KIF26B: variants seen among roughly 807,000 people sequenced by gnomAD.
The protein encoded by KIF26B is kinesin family member 26B.
In KIF26B, 63 loss-of-function variants were observed where a neutral mutation model predicts 151.2. That is an observed-to-expected ratio of 0.42 (90% CI 0.34 to 0.51). The LOEUF (loss-of-function observed/expected upper bound fraction) is 0.51. Ranked by LOEUF, KIF26B falls within the 20% of genes least tolerant of loss-of-function variation. The probability of loss-of-function intolerance (pLI) is 0.07; values close to 1 mark genes in which losing one functional copy is unlikely to be tolerated. For synonymous variants in KIF26B, 1,357 were observed against 1,262.1 expected (o/e 1.08, Z -1.59); for missense variants, 2,813 against 2,913.6 (o/e 0.97, Z 0.79).
chr1:245,646,052 C>G, intron 9 of KIF26B, 69 bp from the exon 10 acceptor site: 2 of 1,510,022 alleles, frequency 1.3e-6, no homozygotes, highest in South Asian at 2.5e-5. Context: ...TCCCAAGGAG[C>G]TACATGAAGA....
Position 245,640,137 on chromosome 1 carries a change from C to CTATA in KIF26B, c.2099-5983_2099-5982insATAT, listed in dbSNP as rs1354945667. 2.9e-4 allele frequency among the ~76,000 whole-genome samples: 9 copies of CTATA among 31,286 alleles called. 1 individual carries two copies. Among genetic ancestry groups the CTATA allele is most frequent in the Non-Finnish European group, 4.5e-4 (7 of 15,392 alleles). The allele number at this position is 31,286 out of a possible 152,430, so 20.5% of individuals were successfully genotyped here. A position where few individuals can be genotyped will look rare whatever the true frequency, so the allele number is the denominator to read the frequency against. The stretch of plus-strand genomic sequence containing the variant: ...ACTAATATTTGCTCTCTCTCTCTCT[C>CTATA]TCTCTCTATATATATATATATATAC... On this transcript the variant is annotated intron_variant, in intron 9 of 14. Transcript: ENST00000407071.
intron 2 of KIF26B, among the ~76,000 whole-genome samples, chr1:245,323,127 T>C (rs1015124671): frequency 1.3e-5 from 2 of 152,252 alleles, no homozygotes; most frequent in Admixed American, 1.3e-4. Context: ...ATATAGCTTG[T>C]ATATAAGTAT....
chr1:245,624,545 C>T (rs1263854901), intron 9 of KIF26B, among the ~76,000 whole-genome samples: 1 of 152,198 alleles, frequency 6.6e-6, no homozygotes, highest in Non-Finnish European at 1.5e-5. Context: ...CACGCCCATT[C>T]GGCATCCATA....
At chr1:245,483,667 G>T (rs989154253) in intron 4 of KIF26B, among the ~76,000 whole-genome samples, 1 of 151,916 alleles carries the variant, frequency 6.6e-6, no homozygotes, top group Admixed American at 6.6e-5. Context: ...TATGCATGAA[G>T]GGCGTGGGTA....
intron 10 of KIF26B, among the ~76,000 whole-genome samples, chr1:245,646,879 A>G (rs1008550144): frequency 6.6e-6 from 1 of 152,008 alleles, no homozygotes; most frequent in Non-Finnish European, 1.5e-5. Flanking sequence ...CTGTCTCTTT[A>G]CTACTGCTCC....
chr1:245,659,002 C>T (rs1156296608), intron 10 of KIF26B, among the ~76,000 whole-genome samples: 8 of 151,928 alleles, frequency 5.3e-5, no homozygotes, highest in African/African-American at 1.9e-4. Flanking sequence ...GAAGCCAAGG[C>T]AGGAGGATCA....
chr1:245,593,397 C>A (rs2103138439), intron 5 of KIF26B, among the ~76,000 whole-genome samples: 1 of 152,254 alleles, frequency 6.6e-6, no homozygotes. Context: ...GTTCAACTCC[C>A]ACTTATGAGT....
intron 4 of KIF26B, among the ~76,000 whole-genome samples, chr1:245,524,154 T>C (rs1005027375): frequency 2.0e-5 from 3 of 152,210 alleles, no homozygotes; most frequent in Non-Finnish European, 4.4e-5. Context: ...CTGAATTTTA[T>C]GGACGCTAAG....
At chr1:245,507,435 T>C (rs1021440598) in intron 4 of KIF26B, among the ~76,000 whole-genome samples, 1 of 152,216 alleles carries the variant, frequency 6.6e-6, no homozygotes, top group African/African-American at 2.4e-5. Context: ...CCCATCCTCG[T>C]GTCCTGTGTT....
chr1:245,691,004 G>A (rs146987845), intron 12 of KIF26B, among the ~76,000 whole-genome samples: 3 of 152,180 alleles, frequency 2.0e-5, no homozygotes, highest in Admixed American at 6.5e-5. Context: ...TCTAATCCAC[G>A]CAGCCTCGGT....
At chr1:245,555,097 T>C (rs72762871) in intron 5 of KIF26B, among the ~76,000 whole-genome samples, 4,491 of 152,244 alleles carry the variant, frequency 0.029, 113 homozygotes, top group Non-Finnish European at 0.046. Context: ...ATGTCATATC[T>C]TTCAAAATTC....
intron 10 of KIF26B, 83 bp from the exon 11 acceptor site, chr1:245,684,150 G>T: frequency 6.9e-7 from 1 of 1,450,544 alleles, no homozygotes; most frequent in Non-Finnish European, 9.4e-7. Context: ...CAACAAAATG[G>T]CCGTGTGCAG....
chr1:245,340,199 C>T (rs1039910636), intron 2 of KIF26B, among the ~76,000 whole-genome samples: 1 of 152,188 alleles, frequency 6.6e-6, no homozygotes, highest in East Asian at 1.9e-4. Flanking sequence ...TCCACAAATG[C>T]TCAAGTCCCT....
chr1:245,594,633 A>G (rs989421402), intron 5 of KIF26B, among the ~76,000 whole-genome samples: 2 of 152,046 alleles, frequency 1.3e-5, no homozygotes, highest in African/African-American at 4.8e-5. Context: ...TTTGCTTAGG[A>G]TTGTCTTGGC....
At chr1:245,272,054 T>C (rs1670863954) in intron 2 of KIF26B, among the ~76,000 whole-genome samples, 1 of 152,246 alleles carries the variant, frequency 6.6e-6, no homozygotes, top group Admixed American at 6.5e-5. Context: ...TCAGATTTTC[T>C]GTTTCATCAT....
intron 4 of KIF26B, among the ~76,000 whole-genome samples, chr1:245,470,795 C>T (rs187737730): frequency 1.2e-3 from 184 of 152,210 alleles, no homozygotes; most frequent in African/African-American, 3.9e-3. Flanking sequence ...TGCTAGGCTT[C>T]GGAATTCCCT....
At chr1:245,263,675 G>T (rs981785964) in intron 2 of KIF26B, among the ~76,000 whole-genome samples, 1 of 152,170 alleles carries the variant, frequency 6.6e-6, no homozygotes, top group African/African-American at 2.4e-5. Flanking sequence ...GACCCCTTGG[G>T]AGACATGGGA....
intron 2 of KIF26B, 148 bp from the exon 3 acceptor site, chr1:245,366,686 G>A: frequency 1.5e-6 from 1 of 670,508 alleles, no homozygotes; most frequent in Non-Finnish European, 2.5e-6. Flanking sequence ...TTTTCTGCCA[G>A]TGTGTCTTCT....
chr1:245,290,074 A>G (rs914778593), intron 2 of KIF26B, among the ~76,000 whole-genome samples: 12 of 152,128 alleles, frequency 7.9e-5, no homozygotes, highest in African/African-American at 2.9e-4. Context: ...TATTGTCTAT[A>G]TCCTCTTTTA....
Sources: allele counts gnomAD v4.1 joint callset (sites outside exome capture counted in the v4.1 genomes callset), GRCh38; gene constraint gnomAD v4.1.1; transcripts MANE v1.5; gene names NCBI Gene and HGNC (gene_info 2026-07-23, HGNC 2026-07-21).